ATP11B: variants seen among roughly 807,000 people sequenced by gnomAD.
ATP11B encodes the protein phospholipid-transporting ATPase IF.
In ATP11B, 81 loss-of-function variants were observed where a neutral mutation model predicts 157.8. The observed-to-expected ratio is 0.51, with a 90% CI of 0.43 to 0.62. The LOEUF is 0.62. Ranked by LOEUF, ATP11B falls within the 20% of genes least tolerant of loss-of-function variation. ATP11B has a pLI of 0.00. For missense variants in ATP11B, 1,165 were observed against 1,402.2 expected, an observed-to-expected ratio of 0.83 and a Z score of 2.70; for synonymous variants, 451 against 469.4, an observed-to-expected ratio of 0.96 and a Z score of 0.51.
At position 182,857,867 on chromosome 3, in the gene ATP11B, TCTTC is replaced by T; in HGVS notation, c.852-7_852-4del. 6.9e-7 allele frequency: 1 copy of T among 1,453,514 alleles called. No homozygotes were observed. Among genetic ancestry groups the T allele is most frequent in the Non-Finnish European group, 9.6e-7 (1 of 1,045,988 alleles). The allele number at this position is 1,453,514 out of a possible 1,614,324, so 90.0% of individuals were successfully genotyped here. ...AGTTGTATGTTTTATATTCTCTTTTTCTTCCTTAAGGTCAATGAATACATTTTTG... is the reference window on the plus strand; with the variant it reads ...AGTTGTATGTTTTATATTCTCTTTTTCTTAAGGTCAATGAATACATTTTTG... On this transcript the variant is annotated splice_region_variant and splice_polypyrimidine_tract_variant and intron_variant, in intron 10 of 29. Coordinates refer to ENST00000323116, the MANE Select transcript of ATP11B (RefSeq NM_014616.3).
rs1339519778 is a variant in ATP11B, at chr3:182,793,590, C to T, written c.-170C>T. 1.3e-5 allele frequency: 5 copies of T among 388,016 alleles called. No homozygotes were observed. The highest frequency in any genetic ancestry group is 2.1e-5 in the African/African-American group (1 of 47,288). The allele number at this position is 388,016 out of a possible 1,614,324, so 24.0% of individuals were successfully genotyped here. On this transcript the variant is annotated 5_prime_UTR_variant, in exon 1 of 30. Coordinates refer to ENST00000323116, the MANE Select transcript of ATP11B (RefSeq NM_014616.3). ...GGGCCGCGCCTGTAGGACTCGGGGCCGACGCCGCGGGATGGGGACGCGGCG... is the reference window on the plus strand; with the variant it reads ...GGGCCGCGCCTGTAGGACTCGGGGCTGACGCCGCGGGATGGGGACGCGGCG...
At chr3:182,818,312 C>T (rs1717093889) in intron 1 of ATP11B, among the ~76,000 whole-genome samples, 1 of 152,194 alleles carries the variant, frequency 6.6e-6, no homozygotes. Context: ...TTTGTTCATT[C>T]ATTTGTTCAC....
At chr3:182,875,488 G>T (rs1221887325) in intron 19 of ATP11B, among the ~76,000 whole-genome samples, 1 of 152,126 alleles carries the variant, frequency 6.6e-6, no homozygotes, top group Non-Finnish European at 1.5e-5. Context: ...TTGTTGCCCA[G>T]GCTGGAGTGC....
chr3:182,856,732 A>G (rs879479888), intron 10 of ATP11B, among the ~76,000 whole-genome samples: 1 of 152,180 alleles, frequency 6.6e-6, no homozygotes, highest in Non-Finnish European at 1.5e-5. Flanking sequence ...GAATATATAG[A>G]GTTTACATTG....
rs182501148 is a variant in ATP11B, at chr3:182,893,349, C to G, written c.2983-3351C>G. 3.2e-3 allele frequency among the ~76,000 whole-genome samples: 490 copies of G among 152,198 alleles called. 1 individual carries two copies. Among genetic ancestry groups the G allele is most frequent in the Admixed American group, 5.7e-3 (87 of 15,274 alleles). Reference sequence around the variant, plus strand: ...CTTTTATTCCTCACCCCCTCCCACCCTTTTCCCTGAGCCCCAAAAGTTCAT... The same window carrying G: ...CTTTTATTCCTCACCCCCTCCCACCGTTTTCCCTGAGCCCCAAAAGTTCAT... On this transcript the variant is annotated intron_variant, in intron 25 of 29. Transcript: ENST00000323116.
intron 19 of ATP11B, among the ~76,000 whole-genome samples, chr3:182,876,149 A>G (rs1722025224): frequency 6.6e-6 from 1 of 152,192 alleles, no homozygotes; most frequent in South Asian, 2.1e-4. Flanking sequence ...AAGCTGAGAC[A>G]AGAGGATCAC....
intron 1 of ATP11B, among the ~76,000 whole-genome samples, chr3:182,819,922 A>T (rs1410446010): frequency 1.3e-5 from 2 of 151,940 alleles, no homozygotes; most frequent in Non-Finnish European, 2.9e-5. Context: ...CTCCCATATG[A>T]TTTTTTTTCA....
chr3:182,899,339 G>T (rs1408715922), intron 28 of ATP11B, among the ~76,000 whole-genome samples: 1 of 151,698 alleles, frequency 6.6e-6, no homozygotes, highest in Non-Finnish European at 1.5e-5. Flanking sequence ...TTTTAGTAGA[G>T]ACGGGGTTTC....
Position 182,883,954 on chromosome 3 carries a change from CAAAAAAAAA to C in ATP11B, c.2510-786_2510-778del. ...TGGGCGACAGAGCGAGACTCCGTCT[CAAAAAAAAA>C]AAAAAAAAAAAAGAATGCAGACTAA... is the stretch of plus-strand genomic sequence containing the variant. On this transcript the variant is annotated intron_variant, in intron 21 of 29. Coordinates refer to ENST00000323116, the MANE Select transcript of ATP11B (RefSeq NM_014616.3). Among the ~76,000 whole-genome samples the C allele has an allele frequency of 4.7e-5, 3 of 63,404 alleles. No individual in the cohort carries two copies. In the South Asian group the frequency reaches 2.0e-3, roughly 43 times the overall value. The allele number at this position is 63,404 out of a possible 152,430, so 41.6% of individuals were successfully genotyped here.
chr3:182,839,473 G>C (rs1429008299), intron 7 of ATP11B, among the ~76,000 whole-genome samples: 1 of 152,106 alleles, frequency 6.6e-6, no homozygotes, highest in African/African-American at 2.4e-5. Flanking sequence ...AGGTAGTTAG[G>C]TGACAAGATG....
At position 182,869,067 on chromosome 3, in the gene ATP11B, C is replaced by T; in HGVS notation, c.1689-11C>T. 1 of 1,573,784 alleles carries T rather than the reference C, an allele frequency of 6.4e-7. No individual in the cohort carries two copies. The highest frequency in any genetic ancestry group is 8.6e-7 in the Non-Finnish European group (1 of 1,160,126). Reference sequence around the variant, plus strand: ...GTAAAGTTTTTGTCTTTCTTACTTTCTTTTGTTTAGGTACAAACTGCTTCA... The same window carrying T: ...GTAAAGTTTTTGTCTTTCTTACTTTTTTTTGTTTAGGTACAAACTGCTTCA... On this transcript the variant is annotated splice_polypyrimidine_tract_variant and intron_variant, in intron 15 of 29. Transcript: ENST00000323116.
At chr3:182,833,862 A>G (rs1718341710) in intron 4 of ATP11B, 1 of 152,212 alleles carries the variant, frequency 6.6e-6, no homozygotes, top group South Asian at 2.1e-4. Flanking sequence ...GGCAAGACCT[A>G]TTTTGGGGAA....
At chr3:182,794,698 G>C (rs1715490793) in intron 1 of ATP11B, among the ~76,000 whole-genome samples, 1 of 152,196 alleles carries the variant, frequency 6.6e-6, no homozygotes, top group African/African-American at 2.4e-5. Flanking sequence ...CCTCCTGGCA[G>C]CTACAGCGCA....
intron 10 of ATP11B, among the ~76,000 whole-genome samples, chr3:182,856,713 G>A (rs1577029824): frequency 1.3e-5 from 2 of 152,116 alleles, no homozygotes; most frequent in Non-Finnish European, 2.9e-5. Context: ...CTTATTTACT[G>A]TCACAGCAGA....
At chr3:182,901,814 C>A (rs1056350610) in intron 28 of ATP11B, among the ~76,000 whole-genome samples, 3 of 152,172 alleles carry the variant, frequency 2.0e-5, no homozygotes, top group African/African-American at 7.2e-5. Context: ...TTGGTTCTTT[C>A]ACTATAAAGC....
chr3:182,885,802 TC>T (rs1198683229), intron 22 of ATP11B, 148 bp from the exon 23 acceptor site: 2 of 468,868 alleles, frequency 4.3e-6, no homozygotes, highest in Non-Finnish European at 7.5e-6. Context: ...AATCCTGCAT[TC>T]CTGTTATATA....
intron 19 of ATP11B, among the ~76,000 whole-genome samples, chr3:182,875,084 A>C (rs1440682352): frequency 6.6e-6 from 1 of 152,176 alleles, no homozygotes; most frequent in South Asian, 2.1e-4. Context: ...TCTATCTTTT[A>C]TAGGCATATC....
intron 19 of ATP11B, among the ~76,000 whole-genome samples, chr3:182,874,879 A>G (rs1322395527): frequency 6.6e-6 from 1 of 152,100 alleles, no homozygotes; most frequent in African/African-American, 2.4e-5. Flanking sequence ...CTCATTCTGT[A>G]ACTACCTATA....
At chr3:182,875,072 AATCT>A (rs1175852722) in intron 19 of ATP11B, among the ~76,000 whole-genome samples, 3 of 152,040 alleles carry the variant, frequency 2.0e-5, no homozygotes, top group African/African-American at 7.2e-5. Flanking sequence ...CTTTTTTGTA[AATCT>A]ATCTTTTATA....
Sources: allele counts gnomAD v4.1 joint callset (sites outside exome capture counted in the v4.1 genomes callset), GRCh38; gene constraint gnomAD v4.1.1; transcripts MANE v1.5; gene names NCBI Gene and HGNC (gene_info 2026-07-23, HGNC 2026-07-21).